The following ARHGAP26 variants were observed in gnomAD, a reference collection of about 807,000 sequenced individuals.
ARHGAP26 encodes rho GTPase-activating protein 26.
Under a neutral mutation model 104.8 loss-of-function variants are expected in ARHGAP26, and 38 were observed. The ratio of observed to expected loss-of-function variants is 0.36; its 90% CI spans 0.28 to 0.48. The LOEUF (loss-of-function observed/expected upper bound fraction) is 0.48. ARHGAP26 is among the 20% of genes least tolerant of loss of function. The probability of loss-of-function intolerance (pLI) is 0.99; values close to 1 mark genes in which losing one functional copy is unlikely to be tolerated. For missense variants in ARHGAP26, 704 were observed against 947.9 expected (o/e 0.74, Z 3.38); for synonymous variants, 341 against 340.0 (o/e 1.00, Z -0.03).
chr5:143,091,082 A>G (rs1025077568), intron 17 of ARHGAP26, among the ~76,000 whole-genome samples: 1 of 152,252 alleles, frequency 6.6e-6, no homozygotes, highest in African/African-American at 2.4e-5. Flanking sequence ...AGAGTAATAG[A>G]ATAGATGAAT....
At chr5:142,962,218 C>CT (rs1461009636) in intron 11 of ARHGAP26, among the ~76,000 whole-genome samples, 1 of 152,188 alleles carries the variant, frequency 6.6e-6, no homozygotes, top group African/African-American at 2.4e-5. Context: ...ATTTGGGCAA[C>CT]TCCATGTGAA....
chr5:143,199,507 A>G (rs1457836551), intron 20 of ARHGAP26, among the ~76,000 whole-genome samples: 2 of 152,226 alleles, frequency 1.3e-5, no homozygotes, highest in Non-Finnish European at 2.9e-5. Flanking sequence ...GAATTCAATG[A>G]AATGGGATTA....
chr5:142,864,870 G>A (rs796383610), intron 1 of ARHGAP26, among the ~76,000 whole-genome samples: 3 of 152,240 alleles, frequency 2.0e-5, no homozygotes, highest in Non-Finnish European at 4.4e-5. Context: ...GAGAGACCGG[G>A]ATTTAAGCTG....
chr5:143,057,917 C>T (rs1221719843), intron 17 of ARHGAP26, 170 bp downstream of exon 17: 2 of 722,688 alleles, frequency 2.8e-6, no homozygotes, highest in Non-Finnish European at 5.1e-6. Flanking sequence ...AGAACAGCAG[C>T]AAATGCCAGA....
intron 22 of ARHGAP26, chr5:143,216,560 G>T (rs1417608010): frequency 3.1e-6 from 1 of 320,822 alleles, no homozygotes; most frequent in African/African-American, 2.2e-5. Context: ...TAACAATTCT[G>T]TAACTGCTCC....
chr5:143,065,561 C>A (rs139184943), intron 17 of ARHGAP26, among the ~76,000 whole-genome samples: 259 of 152,306 alleles, frequency 1.7e-3, no homozygotes, highest in African/African-American at 5.8e-3. Flanking sequence ...TGAATTATTT[C>A]TCTCTGCCTG....
intron 1 of ARHGAP26, among the ~76,000 whole-genome samples, chr5:142,806,721 C>A (rs183987066): frequency 9.8e-4 from 150 of 152,312 alleles, no homozygotes; most frequent in Admixed American, 2.2e-3. Context: ...TGTACCCCCC[C>A]ACTACTTAGA....
chr5:142,992,511 G>A (rs1775765364), intron 11 of ARHGAP26, among the ~76,000 whole-genome samples: 1 of 150,976 alleles, frequency 6.6e-6, no homozygotes, highest in Admixed American at 6.6e-5. Context: ...TCTGCTCACT[G>A]CAACCTCCTG....
intron 12 of ARHGAP26, among the ~76,000 whole-genome samples, chr5:143,017,768 T>G (rs954908939): frequency 6.6e-6 from 1 of 152,222 alleles, no homozygotes; most frequent in Non-Finnish European, 1.5e-5. Context: ...TTTGTAGAGA[T>G]GTACTCCATC....
intron 11 of ARHGAP26, among the ~76,000 whole-genome samples, chr5:142,978,585 T>C (rs1333535240): frequency 6.6e-6 from 1 of 152,188 alleles, no homozygotes; most frequent in East Asian, 1.9e-4. Flanking sequence ...TTCTTACCTG[T>C]TAAATGGGGA....
chr5:143,194,810 C>A (rs1030298245), intron 20 of ARHGAP26, among the ~76,000 whole-genome samples: 13 of 152,154 alleles, frequency 8.5e-5, no homozygotes, highest in African/African-American at 3.1e-4. Flanking sequence ...CTCCTCAGAA[C>A]CAAATGAACA....
chr5:143,227,985 A>G lies in ARHGAP26; in HGVS notation c.*5539A>G. On this transcript the variant is annotated 3_prime_UTR_variant, in exon 23 of 23. Transcript: ENST00000645722. Reference sequence around the variant, plus strand: ...GAGAGCAAAGGCTTAGCATAGACCTAGACCCTTGTGTGGGTATGACATGAC... The same window carrying G: ...GAGAGCAAAGGCTTAGCATAGACCTGGACCCTTGTGTGGGTATGACATGAC... 1 of 221,602 alleles carries G rather than the reference A, an allele frequency of 4.5e-6. No homozygotes were observed. Among genetic ancestry groups the G allele is most frequent in the Non-Finnish European group, 9.0e-6 (1 of 110,720 alleles). 13.7% of individuals were successfully genotyped at this position (221,602 alleles called of 1,614,324 possible). A position where few individuals can be genotyped will look rare whatever the true frequency, so the allele number is the denominator to read the frequency against.
chr5:143,091,853 A>G (rs575981066), intron 17 of ARHGAP26, among the ~76,000 whole-genome samples: 1 of 152,288 alleles, frequency 6.6e-6, no homozygotes, highest in South Asian at 2.1e-4. Context: ...AATTTCCTTT[A>G]CAATGAATGT....
rs1044336185 is a variant in ARHGAP26, at chr5:143,225,807, C to A, written c.*3361C>A. The A allele has an allele frequency of 4.4e-6, 1 of 229,494 alleles. No homozygotes were observed. The highest frequency in any genetic ancestry group is 1.8e-4 in the South Asian group (1 of 5,472). 14.2% of individuals were successfully genotyped at this position (229,494 alleles called of 1,614,324 possible). ...CCTCCCCAGCTTCCCTGTGGCTGTG[C>A]GGTGCCCTTGACAGATGGCTTCTCT... On this transcript the variant is annotated 3_prime_UTR_variant, in exon 23 of 23. Coordinates refer to ENST00000645722, the MANE Select transcript of ARHGAP26 (RefSeq NM_001135608.3).
intron 11 of ARHGAP26, among the ~76,000 whole-genome samples, chr5:142,992,440 ATT>A (rs538548504): frequency 6.8e-6 from 1 of 146,192 alleles, no homozygotes; most frequent in Admixed American, 6.8e-5. Context: ...TTTATTTTTT[ATT>A]TTTTTTTTTG....
chr5:142,845,363 T>A (rs10057627), intron 1 of ARHGAP26, among the ~76,000 whole-genome samples: 25,199 of 152,040 alleles, frequency 0.17, 3,349 homozygotes, highest in African/African-American at 0.37. Flanking sequence ...GGAAGCTGAG[T>A]CTCAGAGCAG....
At chr5:143,018,049 A>C (rs1779830363) in intron 12 of ARHGAP26, among the ~76,000 whole-genome samples, 1 of 152,180 alleles carries the variant, frequency 6.6e-6, no homozygotes, top group African/African-American at 2.4e-5. Flanking sequence ...ATAGGTGTAA[A>C]ATGATAGTTC....
chr5:143,025,005 A>C (rs190097990), intron 12 of ARHGAP26, among the ~76,000 whole-genome samples: 198 of 152,324 alleles, frequency 1.3e-3, no homozygotes, highest in African/African-American at 4.6e-3. Flanking sequence ...TTTTGGAAGA[A>C]TAAATGAGAT....
chr5:143,033,734 A>G (rs1048738402), intron 12 of ARHGAP26, among the ~76,000 whole-genome samples: 2 of 152,300 alleles, frequency 1.3e-5, no homozygotes, highest in South Asian at 4.1e-4. Flanking sequence ...TTCAGAATCA[A>G]TGTCTGCAGC....
Sources: gnomAD v4.1 joint callset for allele counts (sites outside exome capture counted in the v4.1 genomes callset) on GRCh38, gnomAD v4.1.1 for gene constraint, MANE v1.5 for transcripts, NCBI Gene and HGNC (gene_info 2026-07-23, HGNC 2026-07-21) for gene names.